Variants in TNFAIP8 observed in about 807,000 individuals in gnomAD.
TNFAIP8 encodes the protein TNF alpha induced protein 8, also known as tumor necrosis factor alpha-induced protein 8.
Under a neutral mutation model 13.3 loss-of-function variants are expected in TNFAIP8, and 7 were observed. That is an observed-to-expected ratio of 0.52 (90% CI 0.30 to 0.99). The LOEUF is 0.99. Among genes scored for constraint, TNFAIP8 ranks in the 50% least tolerant of loss-of-function variants. The pLI is 0.07. For synonymous variants in TNFAIP8, 94 were observed against 87.6 expected, an observed-to-expected ratio of 1.07 and a Z score of -0.41; for missense variants, 258 against 236.9, an observed-to-expected ratio of 1.09 and a Z score of -0.58.
intron 1 of TNFAIP8, among the ~76,000 whole-genome samples, chr5:119,375,233 G>C (rs1752237039): frequency 6.6e-6 from 1 of 152,178 alleles, no homozygotes; most frequent in Admixed American, 6.5e-5. Flanking sequence ...GGGTCATGTT[G>C]TGATCCCTAC....
chr5:119,392,186 C>G (rs1323609082), intron 1 of TNFAIP8, among the ~76,000 whole-genome samples: 2 of 152,154 alleles, frequency 1.3e-5, no homozygotes, highest in East Asian at 1.9e-4. Flanking sequence ...TTAGGACAGC[C>G]AAATTGGTAG....
intron 1 of TNFAIP8, among the ~76,000 whole-genome samples, chr5:119,292,645 CATATATATAT>C (rs56896742): frequency 0.041 from 1,337 of 32,824 alleles, 106 homozygotes; most frequent in Admixed American, 0.072. Context: ...ATCAATGTAG[CATATATATAT>C]ATATATATAT....
intron 1 of TNFAIP8, among the ~76,000 whole-genome samples, chr5:119,299,040 C>T (rs1394819348): frequency 6.6e-6 from 1 of 152,046 alleles, no homozygotes; most frequent in Non-Finnish European, 1.5e-5. Context: ...AACTTCTTTG[C>T]CTTTGGTTTG....
chr5:119,317,000 A>T (rs73794124), intron 1 of TNFAIP8, among the ~76,000 whole-genome samples: 7,938 of 152,288 alleles, frequency 0.052, 703 homozygotes, highest in African/African-American at 0.18. Flanking sequence ...TTCTAGAAAA[A>T]TCAGGCTGAA....
At chr5:119,275,351 C>T (rs1227005820) in intron 1 of TNFAIP8, among the ~76,000 whole-genome samples, 1 of 152,170 alleles carries the variant, frequency 6.6e-6, no homozygotes, top group African/African-American at 2.4e-5. Flanking sequence ...ACCAACAATG[C>T]TGACATCATA....
chr5:119,392,342 A>G (rs1255497093), intron 1 of TNFAIP8, among the ~76,000 whole-genome samples: 3 of 151,968 alleles, frequency 2.0e-5, no homozygotes, highest in Non-Finnish European at 4.4e-5. Flanking sequence ...TTTCTTTTAA[A>G]TCGCTTGTGG....
At chr5:119,367,092 A>G (rs1751888092) in intron 1 of TNFAIP8, among the ~76,000 whole-genome samples, 1 of 152,160 alleles carries the variant, frequency 6.6e-6, no homozygotes, top group Admixed American at 6.5e-5. Context: ...TGCTGGGGAA[A>G]GGGTCATTCT....
chr5:119,356,106 G>A lies in TNFAIP8; in HGVS notation c.16G>A (p.Glu6Lys), dbSNP rs2112773462. MHSEA[E>K]ESKEVATDVF... ...TCCTGACATTATGCACTCCGAAGCA[G>A]AAGAATCCAAGGAAGGTAGGATTCT... Residue 6 changes from glutamate to lysine, a missense_variant, in exon 1 of 2, where the codon GAA becomes AAA. Physicochemically the swap from Glu to Lys is moderately conservative, Grantham distance 56. Transcript: ENST00000504771. 1 of 1,588,354 alleles carries A rather than the reference G, an allele frequency of 6.3e-7. No individual in the cohort carries two copies.
chr5:119,347,184 C>T (rs192749085), intron 1 of TNFAIP8, among the ~76,000 whole-genome samples: 28 of 152,248 alleles, frequency 1.8e-4, no homozygotes, highest in African/African-American at 6.3e-4. Context: ...GTGTGAGATG[C>T]TCACAGTGTA....
At chr5:119,339,583 G>A (rs912937570) in intron 1 of TNFAIP8, among the ~76,000 whole-genome samples, 20 of 151,682 alleles carry the variant, frequency 1.3e-4, no homozygotes, top group African/African-American at 4.6e-4. Flanking sequence ...ATGCTATCAG[G>A]GAGAGCAAGA....
At chr5:119,357,378 T>C (rs1751470421) in intron 1 of TNFAIP8, among the ~76,000 whole-genome samples, 1 of 152,184 alleles carries the variant, frequency 6.6e-6, no homozygotes, top group African/African-American at 2.4e-5. Flanking sequence ...TTTTCTTTTC[T>C]ATGTCTTTAT....
At chr5:119,286,327 T>TA (rs986392454) in intron 1 of TNFAIP8, among the ~76,000 whole-genome samples, 1 of 151,892 alleles carries the variant, frequency 6.6e-6, no homozygotes, top group Non-Finnish European at 1.5e-5. Context: ...TAGTGTCTAT[T>TA]AAAAAAAAGT....
chr5:119,268,971 T>G, intron 1 of TNFAIP8: 1 of 656,764 alleles, frequency 1.5e-6, no homozygotes, highest in Non-Finnish European at 2.7e-6. Context: ...GCCGCTGGGC[T>G]GCGGGCTGCT....
At position 119,333,557 on chromosome 5, in the gene TNFAIP8, A is replaced by G. The variant is rs976113509; in HGVS notation, c.2-59259A>G. On this transcript the variant is annotated intron_variant, in intron 1 of 1. Transcript: ENST00000274456. Reference sequence around the variant, plus strand: ...AACAGGGTGGTTGCATGCATTCCTCAAGTCTGTATGACTCTACCAAGATAC... The same window carrying G: ...AACAGGGTGGTTGCATGCATTCCTCGAGTCTGTATGACTCTACCAAGATAC... 6 of 1,535,132 alleles carry G rather than the reference A, an allele frequency of 3.9e-6. No homozygotes were observed. The African/African-American group carries it at 6.8e-5, about 18-fold the overall frequency.
upstream of TNFAIP8, among the ~76,000 whole-genome samples, chr5:119,351,445 T>C (rs1175660782): frequency 6.6e-6 from 1 of 152,210 alleles, no homozygotes; most frequent in African/African-American, 2.4e-5. Context: ...TTACCTGAGA[T>C]AGTCAACATT....
rs189452132 is a variant in TNFAIP8 at position 119,318,364 on chromosome 5, C to T, written c.1+49457C>T. On this transcript the variant is annotated intron_variant, in intron 1 of 1. Coordinates refer to the TNFAIP8 transcript ENST00000274456. ...AGTGCAGTAATGTGATCACAGCTCA[C>T]TGCAGCCTTGACCTCCTGGGCTCCA... 4.6e-5 allele frequency among the ~76,000 whole-genome samples: 7 copies of T among 152,314 alleles called. 1 individual carries two copies. Among genetic ancestry groups the T allele is most frequent in the African/African-American group, 1.7e-4 (7 of 41,568 alleles).
At chr5:119,268,965 C>T (rs953968076) in intron 1 of TNFAIP8, 141 of 670,298 alleles carry the variant, frequency 2.1e-4, no homozygotes, top group Non-Finnish European at 3.4e-4. Context: ...TCTCCCGCCG[C>T]TGGGCTGCGG....
At chr5:119,363,663 G>A (rs1751716865) in intron 1 of TNFAIP8, among the ~76,000 whole-genome samples, 1 of 152,250 alleles carries the variant, frequency 6.6e-6, no homozygotes, top group Non-Finnish European at 1.5e-5. Flanking sequence ...GACACCGAAT[G>A]TGAGAGGGTC....
intron 1 of TNFAIP8, among the ~76,000 whole-genome samples, chr5:119,325,083 T>TA (rs528519793): frequency 1.7e-4 from 24 of 143,850 alleles, no homozygotes; most frequent in East Asian, 6.1e-4. Flanking sequence ...AAATAAAAAA[T>TA]AAAAAAAAAA....
Sources: gnomAD v4.1 joint callset for allele counts (sites outside exome capture counted in the v4.1 genomes callset) on GRCh38, gnomAD v4.1.1 for gene constraint, MANE v1.5 for transcripts, NCBI Gene and HGNC (gene_info 2026-07-23, HGNC 2026-07-21) for gene names.